The following SLC25A14 variants were observed in gnomAD, a reference collection of about 807,000 sequenced individuals.
SLC25A14 encodes solute carrier family 25 member 14.
A neutral mutation model predicts 28.1 loss-of-function variants in SLC25A14; 8 were observed. The ratio of observed to expected loss-of-function variants is 0.28; its 90% CI spans 0.17 to 0.51. The LOEUF (loss-of-function observed/expected upper bound fraction) is 0.51, where lower values mean the gene tolerates loss of function less well. SLC25A14 is among the 20% of genes least tolerant of loss of function. SLC25A14 has a pLI of 0.97. For missense variants in SLC25A14, 135 were observed against 263.8 expected (o/e 0.51, Z 3.38); for synonymous variants, 74 against 90.6 (o/e 0.82, Z 1.04).
rs957805092 is a variant in SLC25A14 at position 130,365,490 on chromosome X, A to G, written c.720-51A>G. 8.3e-7 allele frequency: 1 copy of G among 1,202,918 alleles called. No individual in the cohort carries two copies. ...TTACGTTTGGCCTAATTTCTGTTTA[A>G]GTGGGCAGGGAGTGAAAGTGGGGTC... On this transcript the variant is annotated intron_variant, in intron 8 of 10. Transcript: ENST00000545805.
intron 9 of SLC25A14, among the ~76,000 whole-genome samples, chrX:130,368,234 A>C (rs2034171302): frequency 1.8e-5 from 2 of 112,734 alleles, no homozygotes; most frequent in African/African-American, 6.4e-5. Flanking sequence ...TAGCGATCTA[A>C]TATGATAAGG....
At chrX:130,340,420 A>AC (rs1263637785) in intron 2 of SLC25A14, 67 bp downstream of exon 2, 1 of 1,124,055 alleles carries the variant, frequency 8.9e-7, no homozygotes, top group Admixed American at 2.2e-5. Flanking sequence ...TTCGGTTTCT[A>AC]CCCCCTGTCA....
chrX:130,359,000 A>AT (rs1159993923), intron 7 of SLC25A14: 18 of 1,031,586 alleles, frequency 1.7e-5, no homozygotes, highest in Non-Finnish European at 2.0e-5. Context: ...TGTTCAGTGT[A>AT]TTTTTTTGCA....
chrX:130,343,114 CAA>C (rs1338497325), intron 2 of SLC25A14, among the ~76,000 whole-genome samples: 1 of 111,585 alleles, frequency 9.0e-6, no homozygotes, highest in Non-Finnish European at 1.9e-5. Context: ...CTCTGTAATA[CAA>C]AGAGTTGAAA....
chrX:130,351,128 C>T (rs1051532842), intron 6 of SLC25A14, among the ~76,000 whole-genome samples: 8 of 111,126 alleles, frequency 7.2e-5, no homozygotes, highest in African/African-American at 2.6e-4. Flanking sequence ...AAAACTGGTA[C>T]GAGAATGAAT....
chrX:130,346,745 A>G (rs960812974), intron 4 of SLC25A14, 54 bp downstream of exon 4: 16 of 1,055,141 alleles, frequency 1.5e-5, no homozygotes, highest in African/African-American at 9.3e-5. Flanking sequence ...TAAAGAAGCC[A>G]TAGTTTTCAG....
chrX:130,350,720 G>A lies in SLC25A14; in HGVS notation c.487G>A (p.Asp163Asn). 8.8e-7 allele frequency: 1 copy of A among 1,141,258 alleles called. No homozygotes were observed. Among genetic ancestry groups the A allele is most frequent in the Non-Finnish European group, 1.2e-6 (1 of 835,828 alleles). The allele number at this position is 1,141,258 out of a possible 1,213,427, so 94.1% of individuals were successfully genotyped here. A position where few individuals can be genotyped will look rare whatever the true frequency, so the allele number is the denominator to read the frequency against. Residue 163 changes from aspartate to asparagine, a missense_variant, in exon 6 of 11, where the codon GAT becomes AAT. Physicochemically the swap from Asp to Asn is conservative, Grantham distance 23. Transcript: ENST00000545805. ...VISSTIANPT[D>N]VLKIRMQAQG... is the part of the protein sequence containing the mutation. ...ATCTTCCACTATAGCCAATCCCACCGATGTTCTAAAGGTAAGAGAGATACA... is the reference window on the plus strand; with the variant it reads ...ATCTTCCACTATAGCCAATCCCACCAATGTTCTAAAGGTAAGAGAGATACA...
chrX:130,349,139 C>A (rs778415025), intron 4 of SLC25A14, 112 bp from the exon 5 acceptor site: 32 of 366,168 alleles, frequency 8.7e-5, no homozygotes, highest in African/African-American at 8.4e-4. Context: ...TGAAAAAAAT[C>A]ATATTCTGCT....
intron 4 of SLC25A14, among the ~76,000 whole-genome samples, chrX:130,348,053 A>G (rs1248902470): frequency 8.9e-5 from 10 of 111,738 alleles, no homozygotes; most frequent in Admixed American, 8.5e-4. Context: ...AAAATACCAT[A>G]GACTGGGTGA....
chrX:130,340,425 C>T (rs979229177), intron 2 of SLC25A14, 72 bp downstream of exon 2: 16 of 1,113,300 alleles, frequency 1.4e-5, no homozygotes, highest in Middle Eastern at 2.4e-4. Flanking sequence ...TTTCTACCCC[C>T]TGTCACTCCT....
chrX:130,343,937 A>C (rs2033345295), intron 2 of SLC25A14, among the ~76,000 whole-genome samples: 1 of 112,132 alleles, frequency 8.9e-6, no homozygotes, highest in African/African-American at 3.2e-5. Context: ...CAGAACTAGT[A>C]AGTGGTGGAG....
chrX:130,346,247 A>C (rs957367534), intron 3 of SLC25A14, among the ~76,000 whole-genome samples: 1 of 111,001 alleles, frequency 9.0e-6, no homozygotes, highest in Non-Finnish European at 1.9e-5. Context: ...GTTACAGATG[A>C]AATAAAAAAC....
At chrX:130,341,613 T>C (rs12850451) in intron 2 of SLC25A14, among the ~76,000 whole-genome samples, 15 of 112,177 alleles carry the variant, frequency 1.3e-4, no homozygotes, top group Non-Finnish European at 2.3e-4. Context: ...TAACTTGTAT[T>C]GTAGGACATT....
intron 10 of SLC25A14, among the ~76,000 whole-genome samples, chrX:130,372,472 T>TATTTA (rs201985880): frequency 9.7e-6 from 1 of 103,047 alleles, no homozygotes; most frequent in Non-Finnish European, 2.0e-5. Flanking sequence ...TATTTTTATT[T>TATTTA]TTTTTTTTGA....
intron 9 of SLC25A14, among the ~76,000 whole-genome samples, chrX:130,366,229 A>G (rs1048587070): frequency 8.9e-6 from 1 of 112,564 alleles, no homozygotes; most frequent in African/African-American, 3.2e-5. Flanking sequence ...ACTATTACAT[A>G]TTAGACACCA....
intron 7 of SLC25A14, 56 bp downstream of exon 7, chrX:130,358,791 G>T (rs1026354926): frequency 2.2e-6 from 2 of 906,789 alleles, no homozygotes; most frequent in Non-Finnish European, 3.1e-6. Context: ...AATTTGCAGA[G>T]AATTTTTTTT....
intron 6 of SLC25A14, among the ~76,000 whole-genome samples, chrX:130,351,251 G>A (rs146431853): frequency 9.0e-5 from 10 of 111,548 alleles, no homozygotes; most frequent in African/African-American, 3.2e-4. Context: ...CAAACAGAGG[G>A]GTAAACTGAA....
intron 7 of SLC25A14, 64 bp from the exon 8 acceptor site, chrX:130,364,564 G>T (rs2034067235): frequency 1.1e-6 from 1 of 885,501 alleles, no homozygotes; most frequent in Non-Finnish European, 1.6e-6. Context: ...GACCTATTTT[G>T]TTCACTCTAA....
chrX:130,349,177 C>T, intron 4 of SLC25A14, 74 bp from the exon 5 acceptor site: 2 of 561,374 alleles, frequency 3.6e-6, no homozygotes. Context: ...GATGGGTAGT[C>T]CAAATAAGTA....
Sources: allele counts gnomAD v4.1 joint callset (sites outside exome capture counted in the v4.1 genomes callset), GRCh38; gene constraint gnomAD v4.1.1; transcripts MANE v1.5; gene names NCBI Gene and HGNC (gene_info 2026-07-23, HGNC 2026-07-21).